The following PIK3R3 variants were observed in gnomAD, a reference collection of about 807,000 sequenced individuals.
The protein encoded by PIK3R3 is phosphatidylinositol 3-kinase regulatory subunit gamma.
A neutral mutation model predicts 62.9 loss-of-function variants in PIK3R3; 64 were observed. The observed-to-expected ratio is 1.02, with a 90% CI of 0.83 to 1.25. PIK3R3 has a LOEUF of 1.25. Ranked by LOEUF, PIK3R3 falls within the 50% of genes most tolerant of loss-of-function variation. PIK3R3 has a pLI of 0.00. For synonymous variants in PIK3R3, 165 were observed against 189.0 expected (o/e 0.87, Z 1.04); for missense variants, 614 against 561.6 (o/e 1.09, Z -0.94).
intron 1 of PIK3R3, chr1:46,104,956 A>C (rs992527726): frequency 2.3e-4 from 141 of 606,420 alleles, no homozygotes; most frequent in Non-Finnish European, 5.7e-5. Context: ...AAAAACACAC[A>C]CTAAGTCATC....
the PIK3R3 span, among the ~76,000 whole-genome samples, chr1:46,167,393 T>C: frequency 6.6e-6 from 1 of 152,190 alleles, no homozygotes; most frequent in Non-Finnish European, 1.5e-5. Flanking sequence ...GTGTGCACCC[T>C]GGCCTTGAAA....
upstream of PIK3R3, chr1:46,134,558 A>G (rs1465605152): frequency 6.6e-6 from 1 of 152,226 alleles, no homozygotes; most frequent in African/African-American, 2.4e-5. Flanking sequence ...ATCAACTCTA[A>G]TTTGTGGCTG....
Position 46,066,944 on chromosome 1 carries a change from C to T in PIK3R3, c.462G>A (p.Val154=), listed in dbSNP as rs1649049124. 3 of 1,613,644 alleles carry T rather than the reference C, an allele frequency of 1.9e-6. No individual in the cohort carries two copies. The highest frequency in any genetic ancestry group is 2.5e-6 in the Non-Finnish European group (3 of 1,179,830). Residue 154 remains valine, a synonymous_variant, in exon 4 of 10, where the codon GTG becomes GTA. Transcript: ENST00000262741. ...ATCTGGACACTGGGTACATCAGCTT[C>T]ACATCAAGTTTGGGATTGTACTGAG... ...SLAQYNPKLD[V]KLMYPVSRYQ...
chr1:46,130,749 A>G (rs1194241725), intron 1 of PIK3R3, among the ~76,000 whole-genome samples: 2 of 152,242 alleles, frequency 1.3e-5, no homozygotes, highest in Non-Finnish European at 2.9e-5. Flanking sequence ...AGACTTAGCC[A>G]TAACACGTTT....
the PIK3R3 span, among the ~76,000 whole-genome samples, chr1:46,139,400 G>A: frequency 2.0e-5 from 3 of 151,854 alleles, no homozygotes; most frequent in Admixed American, 6.6e-5. Context: ...CTGCCTCCCC[G>A]GTTCAAGCAA....
At chr1:46,098,614 A>G (rs1188152407) in intron 1 of PIK3R3, among the ~76,000 whole-genome samples, 1 of 152,256 alleles carries the variant, frequency 6.6e-6, no homozygotes, top group Non-Finnish European at 1.5e-5. Context: ...ATGTCATTCC[A>G]TTTACATGAA....
At chr1:46,101,980 C>CTTTTTTTTTTTTTTTT (rs538688681) in intron 1 of PIK3R3, among the ~76,000 whole-genome samples, 2 of 89,930 alleles carry the variant, frequency 2.2e-5, no homozygotes, top group Non-Finnish European at 2.0e-5. Flanking sequence ...GAATTGTATA[C>CTTTTTTTTTTTTTTTT]TTTTTTTTTT....
chr1:46,069,320 GA>G (rs1408968425), intron 3 of PIK3R3, among the ~76,000 whole-genome samples: 3 of 152,122 alleles, frequency 2.0e-5, no homozygotes, highest in African/African-American at 7.2e-5. Context: ...AGGAGTTCGA[GA>G]CCAGCCTGAC....
chr1:46,119,262 A>G (rs1457461533), intron 1 of PIK3R3, among the ~76,000 whole-genome samples: 1 of 152,236 alleles, frequency 6.6e-6, no homozygotes, highest in Admixed American at 6.5e-5. Flanking sequence ...GCAGTCAAAT[A>G]TTTGTTGAAA....
intron 1 of PIK3R3, among the ~76,000 whole-genome samples, chr1:46,130,756 G>T (rs1419249915): frequency 6.6e-6 from 1 of 152,142 alleles, no homozygotes; most frequent in East Asian, 1.9e-4. Flanking sequence ...GCCATAACAC[G>T]TTTTAAAATA....
chr1:46,077,542 A>G lies in PIK3R3; in HGVS notation c.287T>C (p.Met96Thr), dbSNP rs2149409891. The change falls in exon 3 of 10, where the codon ATG becomes ACG. Residue 96 changes from methionine (M) to threonine (T), a missense_variant. By Grantham distance (81) the Met-to-Thr change is moderately conservative. Coordinates refer to ENST00000262741, the MANE Select transcript of PIK3R3 (RefSeq NM_003629.4). Reference sequence around the variant, plus strand: ...CAAAGTCAAAGTATAATCTCCCTGCATTTTTGTTGAGGCATCTCGGACCAA... The same window carrying G: ...CAAAGTCAAAGTATAATCTCCCTGCGTTTTTGTTGAGGCATCTCGGACCAA... ...TFLVRDASTK[M>T]QGDYTLTLRK... The G allele has an allele frequency of 1.2e-6, 2 of 1,611,444 alleles. No individual in the cohort carries two copies. Among genetic ancestry groups the G allele is most frequent in the East Asian group, 2.2e-5 (1 of 44,852 alleles).
At position 46,043,571 on chromosome 1, in the gene PIK3R3, T is replaced by G. The variant is rs1647033488; in HGVS notation, c.*102A>C. The G allele has an allele frequency of 9.6e-7, 1 of 1,037,620 alleles. No homozygotes were observed. Among genetic ancestry groups the G allele is most frequent in the African/African-American group, 1.6e-5 (1 of 63,468 alleles). 64.3% of individuals were successfully genotyped at this position (1,037,620 alleles called of 1,614,324 possible). On this transcript the variant is annotated 3_prime_UTR_variant, in exon 10 of 10. Transcript: ENST00000262741. ...ACTTCACATTCACAAAATCACTTCTTGTGCAAAACAAGCAGTCTATGTAGA... is the reference window on the plus strand; with the variant it reads ...ACTTCACATTCACAAAATCACTTCTGGTGCAAAACAAGCAGTCTATGTAGA...
Position 46,044,573 on chromosome 1 carries a change from C to G in PIK3R3, c.1188-702G>C, listed in dbSNP as rs1647062440. Among the ~76,000 whole-genome samples, 1 of 152,144 alleles carries G rather than the reference C, an allele frequency of 6.6e-6. No individual in the cohort carries two copies. Among genetic ancestry groups the G allele is most frequent in the Non-Finnish European group, 1.5e-5 (1 of 68,040 alleles). On this transcript the variant is annotated intron_variant, in intron 9 of 9. Coordinates refer to ENST00000262741, the MANE Select transcript of PIK3R3 (RefSeq NM_003629.4). The surrounding 1 kb of genome is among the most constrained non-coding windows in gnomAD (Gnocchi z 4.2). The stretch of plus-strand genomic sequence containing the variant: ...CTCAGATAACTTCAACAGCCCAAGT[C>G]AAGGAGAAATGAAATGTTGCAAGTA...
chr1:46,113,107 A>G (rs1335332401), intron 1 of PIK3R3, among the ~76,000 whole-genome samples: 2 of 152,002 alleles, frequency 1.3e-5, no homozygotes, highest in Non-Finnish European at 2.9e-5. Flanking sequence ...TTCCTTCTTT[A>G]ATCTTATTCT....
At chr1:46,127,986 A>C (rs78881701) in intron 1 of PIK3R3, among the ~76,000 whole-genome samples, 1 of 152,252 alleles carries the variant, frequency 6.6e-6, no homozygotes, top group Non-Finnish European at 1.5e-5. Flanking sequence ...ATGACTGTAG[A>C]TACACCAATC....
At chr1:46,054,397 CAAA>C (rs10649671) in intron 7 of PIK3R3, among the ~76,000 whole-genome samples, 8 of 80,036 alleles carry the variant, frequency 1.0e-4, no homozygotes, top group African/African-American at 2.0e-4. Flanking sequence ...CTCCGCCTCA[CAAA>C]AAAAAAAAAA....
intron 4 of PIK3R3, 149 bp downstream of exon 4, chr1:46,066,762 G>T (rs745616713): frequency 1.2e-4 from 82 of 699,502 alleles, no homozygotes; most frequent in Non-Finnish European, 1.9e-4. Flanking sequence ...CTGCAATCCA[G>T]CCTGGGCAAC....
chr1:46,097,678 A>G (rs1286623447), intron 1 of PIK3R3, among the ~76,000 whole-genome samples: 1 of 152,098 alleles, frequency 6.6e-6, no homozygotes, highest in African/African-American at 2.4e-5. Context: ...ACCTGAGGTC[A>G]GGAGTTCAAG....
chr1:46,051,481 G>A (rs1199686018), intron 7 of PIK3R3, among the ~76,000 whole-genome samples: 7 of 151,914 alleles, frequency 4.6e-5, no homozygotes, highest in South Asian at 4.2e-4. Flanking sequence ...GGCTGGTCTC[G>A]AACTCCTGAC....
Sources: allele counts gnomAD v4.1 joint callset (sites outside exome capture counted in the v4.1 genomes callset), GRCh38; gene constraint gnomAD v4.1.1; non-coding constraint Gnocchi (gnomAD v3.1); transcripts MANE v1.5; gene names NCBI Gene and HGNC (gene_info 2026-07-23, HGNC 2026-07-21).